Variants in RALYL observed in about 807,000 individuals in gnomAD.
RALYL encodes RNA-binding Raly-like protein.
A neutral mutation model predicts 35.1 loss-of-function variants in RALYL; 29 were observed. The observed-to-expected ratio is 0.83, with a 90% CI of 0.61 to 1.13. RALYL has a LOEUF of 1.13. RALYL is among the 50% of genes most tolerant of loss of function. RALYL has a pLI of 0.00. For synonymous variants in RALYL, 120 were observed against 127.6 expected (o/e 0.94, Z 0.40); for missense variants, 359 against 360.4 (o/e 1.00, Z 0.03).
At chr8:84,187,253 G>T (rs1812765180) in intron 1 of RALYL, among the ~76,000 whole-genome samples, 1 of 152,134 alleles carries the variant, frequency 6.6e-6, no homozygotes, top group Non-Finnish European at 1.5e-5. Flanking sequence ...TGTGGGTATT[G>T]TTTAAAATCT....
intron 1 of RALYL, among the ~76,000 whole-genome samples, chr8:84,363,161 G>T (rs767341691): frequency 1.1e-4 from 17 of 152,144 alleles, no homozygotes; most frequent in South Asian, 2.1e-4. Context: ...GACAAACTGG[G>T]ACTGATGAGC....
chr8:84,498,954 A>C (rs1182758207), intron 1 of RALYL, among the ~76,000 whole-genome samples: 1 of 152,158 alleles, frequency 6.6e-6, no homozygotes, highest in East Asian at 1.9e-4. Context: ...CAAGGAAATA[A>C]AGGAAAAAGT....
intron 1 of RALYL, among the ~76,000 whole-genome samples, chr8:84,218,578 G>A (rs897290163): frequency 6.6e-6 from 1 of 151,934 alleles, no homozygotes; most frequent in African/African-American, 2.4e-5. Context: ...ACTGATATCA[G>A]GAAAATCCTT....
At chr8:84,516,578 A>T (rs1266101512) in intron 1 of RALYL, among the ~76,000 whole-genome samples, 1 of 152,194 alleles carries the variant, frequency 6.6e-6, no homozygotes, top group Non-Finnish European at 1.5e-5. Flanking sequence ...ACCAAAATTG[A>T]TATCAACAAA....
chr8:84,265,727 C>T (rs888340403), intron 1 of RALYL, among the ~76,000 whole-genome samples: 1 of 151,438 alleles, frequency 6.6e-6, no homozygotes, highest in Non-Finnish European at 1.5e-5. Flanking sequence ...GCATATACCC[C>T]ATCACAGTGA....
At chr8:84,431,737 C>T (rs1467625299) in intron 1 of RALYL, among the ~76,000 whole-genome samples, 2 of 152,262 alleles carry the variant, frequency 1.3e-5, no homozygotes, top group South Asian at 2.1e-4. Context: ...TTTCCTTTTT[C>T]TGTGGCTGAA....
intron 1 of RALYL, among the ~76,000 whole-genome samples, chr8:84,276,330 C>G (rs951719100): frequency 1.3e-5 from 2 of 152,092 alleles, no homozygotes; most frequent in Non-Finnish European, 2.9e-5. Flanking sequence ...CTGTAAGGCA[C>G]CTTTATGGAC....
intron 2 of RALYL, among the ~76,000 whole-genome samples, chr8:84,765,838 G>GAA (rs759401675): frequency 7.2e-6 from 1 of 138,172 alleles, no homozygotes; most frequent in Non-Finnish European, 1.6e-5. Context: ...ACCTGATGAG[G>GAA]AAAAAAAAAA....
At chr8:84,384,356 C>T (rs1452196008) in intron 1 of RALYL, among the ~76,000 whole-genome samples, 1 of 151,714 alleles carries the variant, frequency 6.6e-6, no homozygotes, top group Non-Finnish European at 1.5e-5. Context: ...GAACCTGAAG[C>T]AATTTCAATT....
chr8:84,245,914 C>CTTTG (rs1828990618), intron 1 of RALYL, among the ~76,000 whole-genome samples: 1 of 152,040 alleles, frequency 6.6e-6, no homozygotes, highest in East Asian at 1.9e-4. Context: ...TCTTAATTGA[C>CTTTG]AAAGAGAAAG....
At chr8:84,280,931 T>A (rs1192636933) in intron 1 of RALYL, among the ~76,000 whole-genome samples, 1 of 152,144 alleles carries the variant, frequency 6.6e-6, no homozygotes, top group African/African-American at 2.4e-5. Context: ...TCTTGCTTAT[T>A]TATTTTCCAC....
chr8:84,344,778 C>A (rs1287072661), intron 1 of RALYL, among the ~76,000 whole-genome samples: 1 of 152,050 alleles, frequency 6.6e-6, no homozygotes, highest in Non-Finnish European at 1.5e-5. Context: ...TTCCTCATAT[C>A]AGTGAGATGA....
At chr8:84,283,959 G>A (rs918086368) in intron 1 of RALYL, among the ~76,000 whole-genome samples, 25 of 150,122 alleles carry the variant, frequency 1.7e-4, no homozygotes, top group African/African-American at 6.3e-4. Flanking sequence ...CATTAGACCA[G>A]TAAAAAAAAA....
At chr8:84,454,428 C>T (rs956728862) in intron 1 of RALYL, among the ~76,000 whole-genome samples, 8 of 151,770 alleles carry the variant, frequency 5.3e-5, no homozygotes, top group African/African-American at 1.9e-4. Flanking sequence ...AGACTACTTG[C>T]GATCTTTAAG....
At chr8:84,732,689 C>CTGTGT (rs1846462875) in intron 2 of RALYL, among the ~76,000 whole-genome samples, 4 of 84,986 alleles carry the variant, frequency 4.7e-5, no homozygotes, top group African/African-American at 2.7e-4. Context: ...TATATACACA[C>CTGTGT]ACACACACAT....
At chr8:84,636,555 C>T (rs1209769081) in intron 2 of RALYL, among the ~76,000 whole-genome samples, 3 of 151,778 alleles carry the variant, frequency 2.0e-5, no homozygotes, top group Non-Finnish European at 2.9e-5. Context: ...TCACTGTGTC[C>T]TCCATCTAGC....
chr8:84,896,443 A>G (rs538035568), intron 8 of RALYL, among the ~76,000 whole-genome samples: 2 of 152,330 alleles, frequency 1.3e-5, no homozygotes, highest in East Asian at 1.9e-4. Flanking sequence ...AGAGCTGCCA[A>G]TTTGGCTGTG....
At chr8:84,217,726 A>C (rs1586262096) in intron 1 of RALYL, among the ~76,000 whole-genome samples, 1 of 152,126 alleles carries the variant, frequency 6.6e-6, no homozygotes, top group South Asian at 2.1e-4. Flanking sequence ...CCTTGGAATT[A>C]CTTTGTCTCA....
intron 1 of RALYL, among the ~76,000 whole-genome samples, chr8:84,506,043 C>A (rs2057137354): frequency 2.0e-5 from 3 of 151,992 alleles, no homozygotes; most frequent in African/African-American, 7.2e-5. Flanking sequence ...AAACCTAACA[C>A]CGATTAAATT....
Sources: allele counts gnomAD v4.1 joint callset (sites outside exome capture counted in the v4.1 genomes callset), GRCh38; gene constraint gnomAD v4.1.1; transcripts MANE v1.5; gene names NCBI Gene and HGNC (gene_info 2026-07-23, HGNC 2026-07-21).